The following SETBP1 variants were observed in gnomAD, a reference collection of about 807,000 sequenced individuals.
The protein encoded by SETBP1 is SET-binding protein.
In SETBP1, 9 loss-of-function variants were observed where a neutral mutation model predicts 101.0. That is an observed-to-expected ratio of 0.09 (90% CI 0.05 to 0.16). The LOEUF (loss-of-function observed/expected upper bound fraction) is 0.16, where lower values mean the gene tolerates loss of function less well. SETBP1 is among the 10% of genes least tolerant of loss of function. The probability of loss-of-function intolerance (pLI) is 1.00; values close to 1 mark genes in which losing one functional copy is unlikely to be tolerated. For synonymous variants in SETBP1, 818 were observed against 788.5 expected, an observed-to-expected ratio of 1.04 and a Z score of -0.63; for missense variants, 1,858 against 2,033.8, an observed-to-expected ratio of 0.91 and a Z score of 1.66.
chr18:45,007,699 C>T (rs1012842403), intron 4 of SETBP1, among the ~76,000 whole-genome samples: 5 of 152,180 alleles, frequency 3.3e-5, no homozygotes, highest in Admixed American at 6.5e-5. Context: ...TACTTAAGAA[C>T]ACTCAGAAAT....
chr18:44,900,359 C>G (rs2070014462), intron 3 of SETBP1, among the ~76,000 whole-genome samples: 1 of 152,154 alleles, frequency 6.6e-6, no homozygotes, highest in South Asian at 2.1e-4. Flanking sequence ...AATTGGAGAA[C>G]AAACTTAAGA....
intron 3 of SETBP1, among the ~76,000 whole-genome samples, chr18:44,929,062 A>T (rs1721268733): frequency 6.6e-6 from 1 of 152,092 alleles, no homozygotes; most frequent in Non-Finnish European, 1.5e-5. Context: ...TTATGGCTTT[A>T]GGTCTAACAT....
intron 2 of SETBP1, among the ~76,000 whole-genome samples, chr18:44,847,838 T>C (rs772501240): frequency 6.6e-6 from 1 of 152,126 alleles, no homozygotes; most frequent in Admixed American, 6.6e-5. Context: ...ACAAGCTGAT[T>C]TGGAGATTCT....
At chr18:44,861,819 C>T (rs1303879479) in intron 2 of SETBP1, among the ~76,000 whole-genome samples, 1 of 152,194 alleles carries the variant, frequency 6.6e-6, no homozygotes, top group Non-Finnish European at 1.5e-5. Flanking sequence ...AGATGCCCTA[C>T]ATAAAATCCA....
intron 4 of SETBP1, among the ~76,000 whole-genome samples, chr18:45,019,960 T>C (rs1270202016): frequency 6.6e-6 from 1 of 152,162 alleles, no homozygotes; most frequent in African/African-American, 2.4e-5. Flanking sequence ...TTCAAATTCC[T>C]TGTAACATTT....
chr18:44,982,578 C>T (rs1197121615), intron 4 of SETBP1, among the ~76,000 whole-genome samples: 1 of 152,098 alleles, frequency 6.6e-6, no homozygotes, highest in Non-Finnish European at 1.5e-5. Flanking sequence ...AGTAAAATAA[C>T]AGATTTAGTG....
chr18:45,027,586 G>T, intron 4 of SETBP1, among the ~76,000 whole-genome samples: 1 of 152,160 alleles, frequency 6.6e-6, no homozygotes, highest in East Asian at 1.9e-4. Flanking sequence ...TCTTGTAGGG[G>T]ACGCACTTAA....
chr18:44,716,958 T>C (rs898476785), intron 2 of SETBP1, among the ~76,000 whole-genome samples: 1 of 152,320 alleles, frequency 6.6e-6, no homozygotes, highest in African/African-American at 2.4e-5. Context: ...GCCATTTTGC[T>C]ACTTAGAGGA....
At chr18:44,973,438 A>T (rs1475109529) in intron 4 of SETBP1, among the ~76,000 whole-genome samples, 1 of 152,172 alleles carries the variant, frequency 6.6e-6, no homozygotes, top group Non-Finnish European at 1.5e-5. Flanking sequence ...AAGGAATCTA[A>T]TATATGGAGA....
At position 44,927,500 on chromosome 18, in the gene SETBP1, A is replaced by C. The variant is rs148180900; in HGVS notation, c.541-22381A>C. On this transcript the variant is annotated intron_variant, in intron 3 of 5. Transcript: ENST00000649279. ...CAAAACTCTCTAAGAAAAGGGGATA[A>C]GGTGTGTCCATTTCACAACTCCTGG... 3.9e-3 allele frequency among the ~76,000 whole-genome samples: 588 copies of C among 152,356 alleles called. 2 individuals carry two copies. Among genetic ancestry groups the C allele is most frequent in the African/African-American group, 0.013 (543 of 41,582 alleles).
chr18:44,907,356 C>T (rs901450842), intron 3 of SETBP1, among the ~76,000 whole-genome samples: 4 of 152,144 alleles, frequency 2.6e-5, no homozygotes, highest in Non-Finnish European at 4.4e-5. Flanking sequence ...TTTCAGTTCT[C>T]TTGGGTATAT....
chr18:44,779,252 T>C (rs940454301), intron 2 of SETBP1, among the ~76,000 whole-genome samples: 11 of 152,174 alleles, frequency 7.2e-5, no homozygotes, highest in African/African-American at 2.7e-4. Flanking sequence ...TCTTCTCATA[T>C]ACACTGCATC....
At chr18:44,717,875 A>C (rs960027212) in intron 2 of SETBP1, among the ~76,000 whole-genome samples, 1 of 152,192 alleles carries the variant, frequency 6.6e-6, no homozygotes, top group Non-Finnish European at 1.5e-5. Flanking sequence ...TCCTAAGGAC[A>C]TAGAATTTTT....
At chr18:44,916,328 G>A (rs567017692) in intron 3 of SETBP1, among the ~76,000 whole-genome samples, 64 of 152,162 alleles carry the variant, frequency 4.2e-4, no homozygotes, top group Admixed American at 7.9e-4. Flanking sequence ...TCTGATTTCC[G>A]ATTTTCAGGC....
chr18:44,770,756 G>A (rs190407403), intron 2 of SETBP1, among the ~76,000 whole-genome samples: 13 of 152,268 alleles, frequency 8.5e-5, no homozygotes, highest in African/African-American at 2.9e-4. Context: ...GAAAGTGTGG[G>A]AGGCATTATG....
chr18:44,710,436 C>T (rs1012086659), intron 2 of SETBP1, among the ~76,000 whole-genome samples: 2 of 144,484 alleles, frequency 1.4e-5, no homozygotes, highest in African/African-American at 2.6e-5. Context: ...GCCTTGAAGC[C>T]ATGCATTTTA....
At chr18:44,775,094 G>A (rs2070968396) in intron 2 of SETBP1, among the ~76,000 whole-genome samples, 1 of 151,926 alleles carries the variant, frequency 6.6e-6, no homozygotes, top group Admixed American at 6.6e-5. Flanking sequence ...TGCTACTAAA[G>A]GTCTCACCAG....
At chr18:44,829,819 T>G (rs1196343273) in intron 2 of SETBP1, among the ~76,000 whole-genome samples, 4 of 152,244 alleles carry the variant, frequency 2.6e-5, no homozygotes, top group Non-Finnish European at 4.4e-5. Context: ...GCCAGATTGT[T>G]GTCAAAGTAT....
intron 3 of SETBP1, among the ~76,000 whole-genome samples, chr18:44,892,679 A>G (rs146072568): frequency 3.2e-4 from 48 of 152,216 alleles, no homozygotes; most frequent in Middle Eastern, 3.4e-3. Flanking sequence ...TAGAGTTCAA[A>G]TATATTTTAT....
Sources: allele counts gnomAD v4.1 joint callset (sites outside exome capture counted in the v4.1 genomes callset), GRCh38; gene constraint gnomAD v4.1.1; transcripts MANE v1.5; gene names NCBI Gene and HGNC (gene_info 2026-07-23, HGNC 2026-07-21).